KPNA6: variants seen among roughly 807,000 people sequenced by gnomAD.
KPNA6 encodes the protein karyopherin subunit alpha 6.
KPNA6 carries 9 observed loss-of-function variants against 72.0 expected under a neutral mutation model. The ratio of observed to expected loss-of-function variants is 0.13; its 90% confidence interval spans 0.08 to 0.22. The LOEUF (loss-of-function observed/expected upper bound fraction) is 0.22. Among genes scored for constraint, KPNA6 ranks in the 10% least tolerant of loss-of-function variants. The pLI is 1.00. For synonymous variants in KPNA6, 219 were observed against 242.1 expected (o/e 0.90, Z 0.89); for missense variants, 374 against 655.7 (o/e 0.57, Z 4.69).
chr1:32,166,013 AAC>A (rs1557485218), intron 10 of KPNA6, 90 bp from the exon 11 acceptor site: 44,067 of 1,268,078 alleles, frequency 0.035, 556 homozygotes, highest in South Asian at 0.095. Context: ...AAAAAACAAA[AAC>A]AACAACAACA....
intron 1 of KPNA6, among the ~76,000 whole-genome samples, chr1:32,145,377 T>C (rs1052633475): frequency 9.9e-5 from 15 of 150,972 alleles, no homozygotes; most frequent in African/African-American, 3.6e-4. Context: ...CAAGCTGGAG[T>C]GCAGCAGCAC....
chr1:32,114,451 A>AATAT lies in KPNA6; in HGVS notation c.4+6336_4+6339dup, dbSNP rs1553125089. The stretch of plus-strand genomic sequence containing the variant: ...AACGAAACTCTGTCTCAAAAAAAAA[A>AATAT]ATATATATATATATATATATATTCA... On this transcript the variant is annotated intron_variant, in intron 1 of 13. Transcript: ENST00000373625. Among the ~76,000 whole-genome samples, 230 of 145,548 alleles carry AATAT rather than the reference A, an allele frequency of 1.6e-3. 2 individuals carry two copies. Among genetic ancestry groups the AATAT allele is most frequent in the African/African-American group, 2.9e-3 (116 of 39,642 alleles).
At chr1:32,165,550 G>C (rs1352011894) in intron 10 of KPNA6, among the ~76,000 whole-genome samples, 1 of 151,876 alleles carries the variant, frequency 6.6e-6, no homozygotes, top group Non-Finnish European at 1.5e-5. Context: ...TTTTTAATTA[G>C]CAGAGTGCGG....
At chr1:32,152,194 T>A (rs1237688837) in intron 1 of KPNA6, among the ~76,000 whole-genome samples, 2 of 152,112 alleles carry the variant, frequency 1.3e-5, no homozygotes, top group Non-Finnish European at 2.9e-5. Flanking sequence ...TAGCCACTCA[T>A]GGTAGTACGA....
At chr1:32,115,009 T>G (rs1051631215) in intron 1 of KPNA6, among the ~76,000 whole-genome samples, 2 of 151,966 alleles carry the variant, frequency 1.3e-5, no homozygotes, top group African/African-American at 4.8e-5. Flanking sequence ...CCCAGAACAT[T>G]TATGTATTTT....
chr1:32,146,726 A>G (rs1641935619), intron 1 of KPNA6, among the ~76,000 whole-genome samples: 1 of 152,244 alleles, frequency 6.6e-6, no homozygotes, highest in Non-Finnish European at 1.5e-5. Context: ...ATGAAAAGTT[A>G]CAAACCGATG....
Position 32,174,311 on chromosome 1 carries a change from T to C in KPNA6, c.*3417T>C, listed in dbSNP as rs1642490783. ...TTTTTTGGAGCTGAACTGCACAGAT[T>C]ATAGCTGCTATTGTACTTAAATAAG... On this transcript the variant is annotated 3_prime_UTR_variant, in exon 14 of 14. Coordinates refer to ENST00000373625, the MANE Select transcript of KPNA6 (RefSeq NM_012316.5). 1 of 152,266 alleles carries C rather than the reference T, an allele frequency of 6.6e-6. No homozygotes were observed. The allele number at this position is 152,266 out of a possible 1,614,324, so 9.4% of individuals were successfully genotyped here. A position where few individuals can be genotyped will look rare whatever the true frequency, so the allele number is the denominator to read the frequency against.
chr1:32,163,158 G>A (rs1642271458), intron 9 of KPNA6, 77 bp from the exon 10 acceptor site: 2 of 922,172 alleles, frequency 2.2e-6, no homozygotes, highest in Non-Finnish European at 1.8e-6. Flanking sequence ...GCTTCTCCAG[G>A]CTCAGACTAA....
At chr1:32,141,038 T>C (rs531147307) in intron 1 of KPNA6, among the ~76,000 whole-genome samples, 1 of 152,292 alleles carries the variant, frequency 6.6e-6, no homozygotes, top group South Asian at 2.1e-4. Context: ...CTTTACTTGC[T>C]TTGGGGGAAT....
intron 1 of KPNA6, among the ~76,000 whole-genome samples, chr1:32,127,868 C>G (rs1641561578): frequency 1.3e-5 from 2 of 152,160 alleles, no homozygotes; most frequent in African/African-American, 4.8e-5. Context: ...CTTTTGTATT[C>G]TTAGAGCTGT....
intron 1 of KPNA6, among the ~76,000 whole-genome samples, chr1:32,139,907 T>C (rs1286829215): frequency 1.3e-5 from 2 of 152,190 alleles, no homozygotes; most frequent in East Asian, 3.8e-4. Context: ...TTGTCTACTT[T>C]TGTGTATATT....
rs532826481 is a variant in KPNA6, at chr1:32,167,846, T to A, written c.1244+550T>A. ...TCCAGCCTGAGTGACAGAGCCAGAG[T>A]CTGTCACAAAAAAAAAAAAAAACAA... On this transcript the variant is annotated intron_variant, in intron 12 of 13. Transcript: ENST00000373625. 6.4e-5 allele frequency among the ~76,000 whole-genome samples: 9 copies of A among 140,818 alleles called. No homozygotes were observed. The East Asian group carries it at 1.4e-3, about 22-fold the overall frequency. The allele number at this position is 140,818 out of a possible 152,430, so 92.4% of individuals were successfully genotyped here. A position where few individuals can be genotyped will look rare whatever the true frequency, so the allele number is the denominator to read the frequency against.
chr1:32,148,575 T>A (rs1641972405), intron 1 of KPNA6, among the ~76,000 whole-genome samples: 1 of 150,594 alleles, frequency 6.6e-6, no homozygotes, highest in African/African-American at 2.4e-5. Context: ...TTTTTCTTTT[T>A]TTTTTTTTGA....
chr1:32,166,043 A>G (rs1642331422), intron 10 of KPNA6, 62 bp from the exon 11 acceptor site: 1 of 1,531,568 alleles, frequency 6.5e-7, no homozygotes, highest in Non-Finnish European at 8.8e-7. Flanking sequence ...CAACAAAAAA[A>G]CATAAAAAAA....
intron 1 of KPNA6, among the ~76,000 whole-genome samples, chr1:32,143,573 A>C (rs867398240): frequency 3.1e-5 from 4 of 129,270 alleles, no homozygotes; most frequent in African/African-American, 1.2e-4. Flanking sequence ...ATTCTGTCTT[A>C]AAAAAAAAAA....
At position 32,160,679 on chromosome 1, in the gene KPNA6, G is replaced by C. The variant is rs1267155335; in HGVS notation, c.623G>C (p.Cys208Ser). Reference sequence around the variant, plus strand: ...GTTTGCCGAGATTACGTCTTGAACTGTTCCATCCTTAATCCTTTGTTAACG... The same window carrying C: ...GTTTGCCGAGATTACGTCTTGAACTCTTCCATCCTTAATCCTTTGTTAACG... ...SSVCRDYVLN[C>S]SILNPLLTLL... The change falls in exon 7 of 14, where the codon TGT becomes TCT. Residue 208 changes from cysteine (C) to serine (S), a missense_variant. Cys to Ser is a moderately radical substitution (Grantham distance 112, BLOSUM62 -1). Coordinates refer to ENST00000373625, the MANE Select transcript of KPNA6 (RefSeq NM_012316.5). The C allele has an allele frequency of 6.2e-7, 1 of 1,613,856 alleles. No individual in the cohort carries two copies. Among genetic ancestry groups the C allele is most frequent in the East Asian group, 2.2e-5 (1 of 44,886 alleles).
rs1481951317 is a variant in KPNA6 at position 32,160,746 on chromosome 1, G to T, written c.647+43G>T. ...TCTGTACCTGGGCGTCTACTGGGTG[G>T]CCACGTGGCAGGTCATTTGGGGGCA... On this transcript the variant is annotated intron_variant, in intron 7 of 13. Coordinates refer to ENST00000373625, the MANE Select transcript of KPNA6 (RefSeq NM_012316.5). The T allele has an allele frequency of 4.8e-6, 7 of 1,466,472 alleles. No individual in the cohort carries two copies. The South Asian group carries it at 7.9e-5, about 17-fold the overall frequency. The allele number at this position is 1,466,472 out of a possible 1,614,324, so 90.8% of individuals were successfully genotyped here.
At chr1:32,163,155 C>A in intron 9 of KPNA6, 80 bp from the exon 10 acceptor site, 1 of 898,580 alleles carries the variant, frequency 1.1e-6, no homozygotes. Context: ...TAAGCTTCTC[C>A]AGGCTCAGAC....
intron 2 of KPNA6, among the ~76,000 whole-genome samples, chr1:32,156,100 CTTTTTTTCTTTTTTTTTT>C (rs1642138204): frequency 6.6e-6 from 1 of 151,218 alleles, no homozygotes; most frequent in South Asian, 2.1e-4. Flanking sequence ...ACTATCATTC[CTTTTTTTCTTTTTTTTTT>C]TTAAGACAGG....
Sources: gnomAD v4.1 joint callset for allele counts (sites outside exome capture counted in the v4.1 genomes callset) on GRCh38, gnomAD v4.1.1 for gene constraint, MANE v1.5 for transcripts, NCBI Gene and HGNC (gene_info 2026-07-23, HGNC 2026-07-21) for gene names.